CDH9: variants seen among roughly 807,000 people sequenced by gnomAD.
CDH9 encodes cadherin-9.
CDH9 carries 28 observed loss-of-function variants against 70.9 expected under a neutral mutation model. That is an observed-to-expected ratio of 0.40 (90% CI 0.29 to 0.54). CDH9 has a LOEUF of 0.54. CDH9 is among the 20% of genes least tolerant of loss of function. The pLI is 0.59. For missense variants in CDH9, 874 were observed against 984.4 expected (o/e 0.89, Z 1.50); for synonymous variants, 409 against 343.1 (o/e 1.19, Z -2.12).
chr5:26,965,575 T>TG (rs1230429864), intron 2 of CDH9, among the ~76,000 whole-genome samples: 1 of 73,782 alleles, frequency 1.4e-5, no homozygotes, highest in African/African-American at 1.2e-4. Context: ...GACTCTGTCT[T>TG]AATAATAATA....
intron 2 of CDH9, among the ~76,000 whole-genome samples, chr5:26,939,427 A>C (rs982641): frequency 0.81 from 122,835 of 151,182 alleles, 54,476 homozygotes; most frequent in East Asian, 0.99. Context: ...CTGGTTACCA[A>C]AAGTTTAGAA....
intron 2 of CDH9, among the ~76,000 whole-genome samples, chr5:26,931,218 A>G (rs987713845): frequency 1.3e-5 from 2 of 152,136 alleles, no homozygotes; most frequent in Non-Finnish European, 1.5e-5. Flanking sequence ...GAAGTAGAGT[A>G]TGTGCAGAGA....
At chr5:26,958,249 T>A (rs1741977964) in intron 2 of CDH9, among the ~76,000 whole-genome samples, 1 of 152,156 alleles carries the variant, frequency 6.6e-6, no homozygotes, top group Non-Finnish European at 1.5e-5. Flanking sequence ...CAAAGAACCT[T>A]CTGTACACGG....
intron 9 of CDH9, among the ~76,000 whole-genome samples, chr5:26,888,499 C>A (rs1181310116): frequency 6.6e-6 from 1 of 151,782 alleles, no homozygotes; most frequent in African/African-American, 2.4e-5. Flanking sequence ...TCAAAAAAAT[C>A]ATTTACTAAA....
intron 2 of CDH9, among the ~76,000 whole-genome samples, chr5:26,925,616 T>C (rs756814762): frequency 2.6e-5 from 4 of 152,188 alleles, no homozygotes; most frequent in Non-Finnish European, 5.9e-5. Context: ...AGTCCTGAAG[T>C]CCTCGTCCAT....
intron 2 of CDH9, among the ~76,000 whole-genome samples, chr5:26,926,562 G>T (rs191789246): frequency 6.6e-6 from 1 of 151,600 alleles, no homozygotes; most frequent in East Asian, 2.0e-4. Flanking sequence ...AGCTACCAAT[G>T]ACTTTCTTCA....
intron 1 of CDH9, among the ~76,000 whole-genome samples, chr5:27,034,285 C>G (rs1274157720): frequency 6.6e-6 from 1 of 151,490 alleles, no homozygotes; most frequent in Non-Finnish European, 1.5e-5. Context: ...ATTGTAAAGT[C>G]GATTTCAAAA....
chr5:27,017,664 A>G (rs1170106804), intron 1 of CDH9, among the ~76,000 whole-genome samples: 1 of 152,022 alleles, frequency 6.6e-6, no homozygotes, highest in Non-Finnish European at 1.5e-5. Flanking sequence ...ATCAAGTTTC[A>G]CATAAAGTAT....
chr5:26,935,085 A>G lies in CDH9; in HGVS notation c.229-19161T>C, dbSNP rs879779005. Among the ~76,000 whole-genome samples, 12 of 152,310 alleles carry G rather than the reference A, an allele frequency of 7.9e-5. No homozygotes were observed. The South Asian group carries it at 2.1e-3, about 26-fold the overall frequency. On this transcript the variant is annotated intron_variant, in intron 2 of 11. Coordinates refer to ENST00000231021, the MANE Select transcript of CDH9 (RefSeq NM_016279.4). ...GGTATGCAAGACTGATTGAACACTC[A>G]GAAGTGAATTAGGTAATCTGTCATA...
chr5:26,883,661 C>A (rs1740512308), intron 11 of CDH9, among the ~76,000 whole-genome samples: 1 of 152,008 alleles, frequency 6.6e-6, no homozygotes, highest in African/African-American at 2.4e-5. Context: ...GATAAGCAAG[C>A]ACGGTTTTCT....
intron 1 of CDH9, among the ~76,000 whole-genome samples, chr5:27,027,680 C>T (rs1022359480): frequency 6.6e-6 from 1 of 151,966 alleles, no homozygotes; most frequent in East Asian, 1.9e-4. Context: ...AAAATATTGC[C>T]TACTAAACTT....
At position 26,997,994 on chromosome 5, in the gene CDH9, G is replaced by C. The variant is rs988423523; in HGVS notation, c.-49-9612C>G. On this transcript the variant is annotated intron_variant, in intron 1 of 11. Coordinates refer to ENST00000231021, the MANE Select transcript of CDH9 (RefSeq NM_016279.4). ...ATTACAAGAGTGAGCCACCATGCCTGATTGGTTAATGTTTTTAAACACTAG... is the reference window on the plus strand; with the variant it reads ...ATTACAAGAGTGAGCCACCATGCCTCATTGGTTAATGTTTTTAAACACTAG... Among the ~76,000 whole-genome samples, 25 of 152,280 alleles carry C rather than the reference G, an allele frequency of 1.6e-4. 1 individual carries two copies. Among genetic ancestry groups the C allele is most frequent in the Admixed American group, 1.3e-3 (20 of 15,292 alleles).
intron 2 of CDH9, among the ~76,000 whole-genome samples, chr5:26,950,455 T>A (rs1425447162): frequency 6.6e-6 from 1 of 152,200 alleles, no homozygotes; most frequent in East Asian, 1.9e-4. Flanking sequence ...TATTTTATGT[T>A]CTGAATAGAA....
chr5:27,023,310 C>T (rs1743170592), intron 1 of CDH9, among the ~76,000 whole-genome samples: 2 of 152,008 alleles, frequency 1.3e-5, no homozygotes, highest in South Asian at 4.1e-4. Context: ...TCGGGAGGCT[C>T]GGTTGATTCA....
intron 7 of CDH9, among the ~76,000 whole-genome samples, chr5:26,891,701 A>G (rs113350112): frequency 1.3e-5 from 2 of 151,758 alleles, no homozygotes; most frequent in Non-Finnish European, 1.5e-5. Flanking sequence ...CAAACAAACA[A>G]AGTGAAATGG....
At chr5:26,999,777 T>G (rs2112103969) in intron 1 of CDH9, among the ~76,000 whole-genome samples, 1 of 152,250 alleles carries the variant, frequency 6.6e-6, no homozygotes, top group Non-Finnish European at 1.5e-5. Context: ...CAAATTTTAT[T>G]TTTTTCCAAC....
At chr5:26,961,165 T>C (rs997559239) in intron 2 of CDH9, among the ~76,000 whole-genome samples, 1 of 152,120 alleles carries the variant, frequency 6.6e-6, no homozygotes, top group Non-Finnish European at 1.5e-5. Flanking sequence ...TATATATTTA[T>C]GGTAAGCAAC....
intron 2 of CDH9, among the ~76,000 whole-genome samples, chr5:26,963,733 T>C (rs1290127842): frequency 6.6e-6 from 1 of 152,044 alleles, no homozygotes; most frequent in Admixed American, 6.6e-5. Flanking sequence ...TTGGCCTTCT[T>C]TAAAAAAAAA....
intron 5 of CDH9, 47 bp downstream of exon 5, chr5:26,905,912 T>A: frequency 7.1e-7 from 1 of 1,402,892 alleles, no homozygotes; most frequent in East Asian, 2.3e-5. Flanking sequence ...CGGCTACTAG[T>A]GTATTTGAGA....
Sources: allele counts gnomAD v4.1 joint callset (sites outside exome capture counted in the v4.1 genomes callset), GRCh38; gene constraint gnomAD v4.1.1; transcripts MANE v1.5; gene names NCBI Gene and HGNC (gene_info 2026-07-23, HGNC 2026-07-21).